The following PSD3 variants were observed in gnomAD, a reference collection of about 807,000 sequenced individuals.
PSD3 encodes the protein PH and SEC7 domain-containing protein 3.
PSD3 carries 49 observed loss-of-function variants against 105.5 expected under a neutral mutation model. The ratio of observed to expected loss-of-function variants is 0.46; its 90% CI spans 0.37 to 0.59. The LOEUF (loss-of-function observed/expected upper bound fraction) is 0.59, where lower values mean the gene tolerates loss of function less well. Among genes scored for constraint, PSD3 ranks in the 20% least tolerant of loss-of-function variants. The probability of loss-of-function intolerance (pLI) is 0.00; values close to 1 mark genes in which losing one functional copy is unlikely to be tolerated. For synonymous variants in PSD3, 557 were observed against 457.8 expected (o/e 1.22, Z -2.77); for missense variants, 1,561 against 1,263.8 (o/e 1.24, Z -3.57).
At chr8:18,791,544 G>T (rs1452764128) in intron 8 of PSD3, among the ~76,000 whole-genome samples, 1 of 152,104 alleles carries the variant, frequency 6.6e-6, no homozygotes, top group Non-Finnish European at 1.5e-5. Flanking sequence ...AACTGAAACT[G>T]GATCCCTTCC....
At chr8:18,904,211 A>G (rs1819692378) in intron 2 of PSD3, among the ~76,000 whole-genome samples, 1 of 152,110 alleles carries the variant, frequency 6.6e-6, no homozygotes, top group Admixed American at 6.6e-5. Flanking sequence ...AGGCTCTTTT[A>G]AACAACTAGG....
intron 9 of PSD3, among the ~76,000 whole-genome samples, chr8:18,678,591 C>T (rs1460686031): frequency 1.3e-5 from 2 of 152,176 alleles, no homozygotes; most frequent in Admixed American, 6.5e-5. Flanking sequence ...GTGGGCGGAT[C>T]GCCTGAGGTT....
At chr8:18,847,397 A>C (rs1281920526) in intron 4 of PSD3, among the ~76,000 whole-genome samples, 1 of 152,200 alleles carries the variant, frequency 6.6e-6, no homozygotes, top group Non-Finnish European at 1.5e-5. Context: ...ACTGCAAACC[A>C]GCCAAAAGCA....
chr8:18,714,771 C>T (rs903187142), intron 9 of PSD3, among the ~76,000 whole-genome samples: 1 of 152,158 alleles, frequency 6.6e-6, no homozygotes, highest in African/African-American at 2.4e-5. Flanking sequence ...CTAGCAATCC[C>T]ATTACTGGGT....
intron 10 of PSD3, among the ~76,000 whole-genome samples, chr8:18,639,973 T>G (rs1807524691): frequency 6.6e-6 from 1 of 152,154 alleles, no homozygotes; most frequent in East Asian, 1.9e-4. Context: ...ATGTAAAATT[T>G]GAAGCTTGCT....
rs146969377 is a variant in PSD3 at position 18,556,905 on chromosome 8, A to G, written c.2785-553T>C. Among the ~76,000 whole-genome samples, 93 of 152,334 alleles carry G rather than the reference A, an allele frequency of 6.1e-4. 1 individual carries two copies. Among genetic ancestry groups the G allele is most frequent in the Middle Eastern group, 6.8e-3 (2 of 294 alleles). On this transcript the variant is annotated intron_variant, in intron 14 of 15. Coordinates refer to ENST00000327040, the MANE Select transcript of PSD3 (RefSeq NM_015310.4). ...GCAGCTATCTCGCTTTTCTCTTACC[A>G]AAGCAGCAGAGTTCTTAGTTCCTTC...
At chr8:19,045,572 C>T (rs778112628) in intron 1 of PSD3, among the ~76,000 whole-genome samples, 2 of 152,166 alleles carry the variant, frequency 1.3e-5, no homozygotes, top group Non-Finnish European at 2.9e-5. Context: ...CAGAAGTTTA[C>T]CCAAGTGATT....
chr8:18,596,171 A>G (rs975464364), intron 12 of PSD3, among the ~76,000 whole-genome samples: 1 of 151,868 alleles, frequency 6.6e-6, no homozygotes, highest in African/African-American at 2.4e-5. Flanking sequence ...TCAAAAAAAA[A>G]TCAAAAAGGA....
rs112965197 is a variant in PSD3 at position 18,987,286 on chromosome 8, T to A, written c.21+26277A>T. Among the ~76,000 whole-genome samples the A allele has an allele frequency of 5.6e-3, 844 of 150,848 alleles. 2 individuals are homozygous for A. Among genetic ancestry groups the A allele is most frequent in the Non-Finnish European group, 8.2e-3 (553 of 67,744 alleles). On this transcript the variant is annotated intron_variant, in intron 1 of 15. Transcript: ENST00000327040. ...GAAATTTATTTTCTTTTTTATTTTT[T>A]TTTTTATATATATTTTTTTAAGACG...
rs1014813814 is a variant in PSD3 at position 18,543,384 on chromosome 8, G to A, written c.2929-7426C>T. 3.9e-5 allele frequency among the ~76,000 whole-genome samples: 6 copies of A among 152,114 alleles called. No homozygotes were observed. In the East Asian group the frequency reaches 1.2e-3, roughly 29 times the overall value. On this transcript the variant is annotated intron_variant, in intron 15 of 15. Transcript: ENST00000327040. ...AATCCCAGCACTTTGGGAGGCCGAG[G>A]CAGGCGGATCACGAGGTCAAGAGAT...
chr8:18,690,475 T>A lies in PSD3; in HGVS notation c.2173-34790A>T, dbSNP rs183061002. ...TCTTCCAGGCCTTTCCAGCTAATACTTTTCTAGTCTAGGGATCTATTTTGA... is the reference window on the plus strand; with the variant it reads ...TCTTCCAGGCCTTTCCAGCTAATACATTTCTAGTCTAGGGATCTATTTTGA... On this transcript the variant is annotated intron_variant, in intron 9 of 15. Transcript: ENST00000327040. Among the ~76,000 whole-genome samples the A allele has an allele frequency of 2.1e-3, 321 of 152,320 alleles. 1 individual carries two copies. Among genetic ancestry groups the A allele is most frequent in the Non-Finnish European group, 3.3e-3 (223 of 68,036 alleles).
chr8:18,829,574 T>G (rs1232893081), intron 4 of PSD3, among the ~76,000 whole-genome samples: 1 of 152,198 alleles, frequency 6.6e-6, no homozygotes, highest in Non-Finnish European at 1.5e-5. Flanking sequence ...GTACACTATG[T>G]GGTCTTTGGC....
intron 4 of PSD3, among the ~76,000 whole-genome samples, chr8:18,806,250 T>C (rs1476753564): frequency 6.6e-6 from 1 of 152,170 alleles, no homozygotes; most frequent in Non-Finnish European, 1.5e-5. Context: ...TCCACTATTG[T>C]TTTTGCACCA....
intron 4 of PSD3, among the ~76,000 whole-genome samples, chr8:18,828,026 ACATATATATAATATATATATG>A (rs1213429095): frequency 5.6e-5 from 8 of 143,860 alleles, no homozygotes; most frequent in African/African-American, 2.1e-4. Context: ...ATATACATAT[ACATATATATAATATATATATG>A]TATATATATA....
intron 2 of PSD3, among the ~76,000 whole-genome samples, chr8:18,916,945 T>C (rs1276225804): frequency 6.6e-6 from 1 of 151,848 alleles, no homozygotes; most frequent in African/African-American, 2.4e-5. Context: ...TAATATAAAA[T>C]CTCTTCCCTC....
chr8:18,850,578 T>C (rs534605764), intron 4 of PSD3, among the ~76,000 whole-genome samples: 3 of 152,334 alleles, frequency 2.0e-5, no homozygotes, highest in South Asian at 4.1e-4. Flanking sequence ...ACTTGTCCTA[T>C]GTTTTCTAAG....
At position 18,872,134 on chromosome 8, in the gene PSD3, G is replaced by A; in HGVS notation, c.730C>T (p.Gln244Ter). ...NNGRKGAVCV[Q>*]EPSCPLASLG... is the part of the protein sequence containing the mutation. ...GAGGCCAAAGGACAAGATGGCTCCT[G>A]CACACAGACAGCCCCTTTCCTCCCA... Residue 244 changes from glutamine to a stop codon, truncating the protein, a stop_gained, in exon 3 of 16, where the codon CAG becomes TAG. Transcript: ENST00000327040. LOFTEE classifies it high-confidence loss of function. 2 of 1,614,136 alleles carry A rather than the reference G, an allele frequency of 1.2e-6. No individual in the cohort carries two copies. The highest frequency in any genetic ancestry group is 2.2e-5 in the East Asian group (1 of 44,878).
intron 9 of PSD3, among the ~76,000 whole-genome samples, chr8:18,757,460 T>C (rs1245076121): frequency 2.7e-5 from 4 of 150,330 alleles, no homozygotes; most frequent in African/African-American, 7.3e-5. Context: ...CAAGACTCCG[T>C]TGCAAACAAA....
At chr8:19,003,887 G>T (rs1305629260) in intron 1 of PSD3, among the ~76,000 whole-genome samples, 1 of 151,884 alleles carries the variant, frequency 6.6e-6, no homozygotes, top group Non-Finnish European at 1.5e-5. Flanking sequence ...CCACTAAAGA[G>T]AACTAATTAG....
Sources: gnomAD v4.1 joint callset for allele counts (sites outside exome capture counted in the v4.1 genomes callset) on GRCh38, gnomAD v4.1.1 for gene constraint, MANE v1.5 for transcripts, NCBI Gene and HGNC (gene_info 2026-07-23, HGNC 2026-07-21) for gene names.